Variants in ASTN1 observed in about 807,000 individuals in gnomAD.
ASTN1 encodes the protein astrotactin-1.
Under a neutral mutation model 140.7 loss-of-function variants are expected in ASTN1, and 41 were observed. That is an observed-to-expected ratio of 0.29 (90% CI 0.23 to 0.38). The LOEUF is 0.38. Among genes scored for constraint, ASTN1 ranks in the 10% least tolerant of loss-of-function variants. The probability of loss-of-function intolerance (pLI) is 1.00; values close to 1 mark genes in which losing one functional copy is unlikely to be tolerated. For synonymous variants in ASTN1, 640 were observed against 652.2 expected (o/e 0.98, Z 0.29); for missense variants, 1,479 against 1,678.8 (o/e 0.88, Z 2.08).
chr1:176,872,207 T>A (rs537386148), intron 21 of ASTN1, among the ~76,000 whole-genome samples: 55 of 151,176 alleles, frequency 3.6e-4, no homozygotes, highest in African/African-American at 4.6e-4. Flanking sequence ...TTTTTTTTTT[T>A]TAAAAAAAAG....
chr1:176,861,109 A>G lies in ASTN1; in HGVS notation c.*3175T>C, dbSNP rs571450471. ...GTTTTATTATTCAGTTAATTATTTC[A>G]TCTTTTATAATCATACAATAATTCT... On this transcript the variant is annotated 3_prime_UTR_variant, in exon 23 of 23. Coordinates refer to ENST00000361833, the MANE Select transcript of ASTN1 (RefSeq NM_004319.3). 1.3e-5 allele frequency: 12 copies of G among 947,218 alleles called. No individual in the cohort carries two copies. The South Asian group carries it at 4.4e-4, about 35-fold the overall frequency. 58.7% of individuals were successfully genotyped at this position (947,218 alleles called of 1,614,324 possible). A position where few individuals can be genotyped will look rare whatever the true frequency, so the allele number is the denominator to read the frequency against.
chr1:177,105,656 A>G (rs564398439), intron 1 of ASTN1, among the ~76,000 whole-genome samples: 1 of 151,564 alleles, frequency 6.6e-6, no homozygotes, highest in Admixed American at 6.6e-5. Context: ...AAAAAAAAAA[A>G]CCTCACATTT....
At chr1:176,930,143 C>T (rs1483307229) in intron 16 of ASTN1, among the ~76,000 whole-genome samples, 1 of 152,134 alleles carries the variant, frequency 6.6e-6, no homozygotes, top group African/African-American at 2.4e-5. Context: ...AGAGGAGACC[C>T]TGTTGAAGAC....
intron 7 of ASTN1, among the ~76,000 whole-genome samples, chr1:177,020,568 C>A (rs1450192679): frequency 6.6e-6 from 1 of 152,168 alleles, no homozygotes; most frequent in Non-Finnish European, 1.5e-5. Flanking sequence ...AGATAATCTT[C>A]CCCCCAAATC....
In ASTN1 at chr1:177,056,562, C is replaced by CATATAT. The variant is rs146444597; in HGVS notation, c.471+4510_471+4515dup. On this transcript the variant is annotated intron_variant, in intron 2 of 22. Coordinates refer to ENST00000361833, the MANE Select transcript of ASTN1 (RefSeq NM_004319.3). ...GGGAGTTATCAATACAGAAAAATTT[C>CATATAT]ATATATATATATATATATATATATA... Among the ~76,000 whole-genome samples the CATATAT allele has an allele frequency of 5.1e-3, 695 of 136,266 alleles. 2 individuals are homozygous for CATATAT. The highest frequency in any genetic ancestry group is 0.011 in the Middle Eastern group (3 of 266). 89.4% of individuals were successfully genotyped at this position (136,266 alleles called of 152,430 possible).
chr1:177,107,966 C>G (rs1680631443), intron 1 of ASTN1, among the ~76,000 whole-genome samples: 1 of 152,014 alleles, frequency 6.6e-6, no homozygotes, highest in East Asian at 1.9e-4. Context: ...AAGTTGCAAT[C>G]AATTTAACCA....
At chr1:177,068,368 C>A (rs1406529272) in intron 1 of ASTN1, among the ~76,000 whole-genome samples, 3 of 152,106 alleles carry the variant, frequency 2.0e-5, no homozygotes, top group Admixed American at 6.6e-5. Context: ...TTCAAGGAAC[C>A]AAAATCTTCT....
At chr1:176,920,700 A>G (rs1392923307) in intron 16 of ASTN1, among the ~76,000 whole-genome samples, 1 of 152,200 alleles carries the variant, frequency 6.6e-6, no homozygotes, top group Non-Finnish European at 1.5e-5. Context: ...ACACTGTCCT[A>G]TGGACACTGG....
chr1:177,038,020 T>C (rs1178133544), intron 2 of ASTN1, among the ~76,000 whole-genome samples: 2 of 152,354 alleles, frequency 1.3e-5, no homozygotes, highest in East Asian at 3.9e-4. Flanking sequence ...TATGTAACAA[T>C]GTGTTACATA....
chr1:177,035,616 C>A (rs930955754), intron 2 of ASTN1, among the ~76,000 whole-genome samples: 1 of 152,126 alleles, frequency 6.6e-6, no homozygotes, highest in African/African-American at 2.4e-5. Context: ...TGAGAGATAC[C>A]ATTAGGCCTT....
At chr1:177,054,587 T>C (rs891996497) in intron 2 of ASTN1, among the ~76,000 whole-genome samples, 11 of 152,188 alleles carry the variant, frequency 7.2e-5, no homozygotes, top group Admixed American at 3.3e-4. Flanking sequence ...TGGGATAACC[T>C]GATATGAAAG....
intron 1 of ASTN1, among the ~76,000 whole-genome samples, chr1:177,091,057 C>G (rs559310960): frequency 6.6e-6 from 1 of 152,038 alleles, no homozygotes; most frequent in South Asian, 2.1e-4. Flanking sequence ...GAAGTCCTGC[C>G]CCACCAAAAT....
At chr1:177,124,239 G>A (rs908945076) in intron 1 of ASTN1, among the ~76,000 whole-genome samples, 10 of 150,662 alleles carry the variant, frequency 6.6e-5, no homozygotes, top group South Asian at 2.1e-4. Flanking sequence ...GCAGTGGAGC[G>A]TCTACTCTAC....
chr1:177,160,527 G>A (rs1345884666), intron 1 of ASTN1, among the ~76,000 whole-genome samples: 1 of 152,218 alleles, frequency 6.6e-6, no homozygotes, highest in Non-Finnish European at 1.5e-5. Context: ...AAGCTCAACA[G>A]TTGGGTGAAA....
At chr1:176,876,780 C>A (rs1253232477) in intron 20 of ASTN1, 143 bp from the exon 21 acceptor site, 5 of 736,160 alleles carry the variant, frequency 6.8e-6, no homozygotes, top group African/African-American at 1.8e-5. Context: ...ACGTTTACTG[C>A]CACCATCCCA....
At chr1:176,946,222 G>A in intron 12 of ASTN1, 102 bp from the exon 13 acceptor site, 1 of 1,115,124 alleles carries the variant, frequency 9.0e-7, no homozygotes, top group Non-Finnish European at 1.2e-6. Flanking sequence ...ACAGCATGTT[G>A]GATCACCAAA....
intron 1 of ASTN1, among the ~76,000 whole-genome samples, chr1:177,099,696 G>C (rs770091164): frequency 9.2e-5 from 14 of 152,188 alleles, no homozygotes; most frequent in Non-Finnish European, 1.8e-4. Context: ...TAAAAAGAGA[G>C]AGCAAGCCCA....
intron 1 of ASTN1, among the ~76,000 whole-genome samples, chr1:177,130,759 T>C (rs1681903444): frequency 6.6e-6 from 1 of 152,146 alleles, no homozygotes; most frequent in Non-Finnish European, 1.5e-5. Context: ...TAGTATCACC[T>C]AGAGACTTTG....
At chr1:177,162,698 C>T (rs940286113) in intron 1 of ASTN1, among the ~76,000 whole-genome samples, 3 of 152,210 alleles carry the variant, frequency 2.0e-5, no homozygotes, top group African/African-American at 7.2e-5. Flanking sequence ...GAGTGCAAAA[C>T]AGCCTCTTTA....
Sources: allele counts gnomAD v4.1 joint callset (sites outside exome capture counted in the v4.1 genomes callset), GRCh38; gene constraint gnomAD v4.1.1; transcripts MANE v1.5; gene names NCBI Gene and HGNC (gene_info 2026-07-23, HGNC 2026-07-21).